The following ERC1 variants were observed in gnomAD, a reference collection of about 807,000 sequenced individuals.
The protein encoded by ERC1 is RAB6 interacting protein 2.
A neutral mutation model predicts 132.0 loss-of-function variants in ERC1; 56 were observed. The observed-to-expected ratio is 0.42, with a 90% CI of 0.34 to 0.53. The LOEUF is 0.53. Among genes scored for constraint, ERC1 ranks in the 20% least tolerant of loss-of-function variants. The pLI is 0.03. For synonymous variants in ERC1, 478 were observed against 476.1 expected (o/e 1.00, Z -0.05); for missense variants, 1,202 against 1,349.9 (o/e 0.89, Z 1.72).
intron 7 of ERC1, among the ~76,000 whole-genome samples, chr12:1,131,333 T>A (rs959980877): frequency 1.3e-5 from 2 of 152,234 alleles, no homozygotes; most frequent in Admixed American, 6.5e-5. Flanking sequence ...AGTGTCATGT[T>A]GGCAAAGCCA....
At chr12:1,462,850 C>T (rs1033754620) in intron 18 of ERC1, among the ~76,000 whole-genome samples, 7 of 152,154 alleles carry the variant, frequency 4.6e-5, no homozygotes, top group Non-Finnish European at 1.0e-4. Context: ...CTCCAGTCTC[C>T]TTTTGAACTG....
intron 12 of ERC1, among the ~76,000 whole-genome samples, chr12:1,221,179 A>G (rs2154295328): frequency 6.6e-6 from 1 of 152,324 alleles, no homozygotes; most frequent in East Asian, 1.9e-4. Context: ...ATATTTTCGA[A>G]GATAGCACCT....
intron 15 of ERC1, among the ~76,000 whole-genome samples, chr12:1,313,887 G>A (rs2154351130): frequency 6.6e-6 from 1 of 152,232 alleles, no homozygotes; most frequent in East Asian, 1.9e-4. Context: ...GGGAGGCTGA[G>A]GCAGGAGAAT....
At chr12:997,894 C>T (rs373390174) in intron 1 of ERC1, among the ~76,000 whole-genome samples, 1 of 152,168 alleles carries the variant, frequency 6.6e-6, no homozygotes, top group African/African-American at 2.4e-5. Context: ...GTAGCAAGAA[C>T]ATTTCCCAAG....
chr12:1,211,112 A>G (rs1349157596), intron 12 of ERC1, among the ~76,000 whole-genome samples: 1 of 152,218 alleles, frequency 6.6e-6, no homozygotes, highest in Non-Finnish European at 1.5e-5. Context: ...CTGTTAGTGA[A>G]AAATAATCCC....
At chr12:1,093,883 G>T (rs1481393975) in intron 3 of ERC1, among the ~76,000 whole-genome samples, 1 of 131,676 alleles carries the variant, frequency 7.6e-6, no homozygotes, top group African/African-American at 2.8e-5. Context: ...ATGTTTATGT[G>T]TATTTATTTA....
At chr12:1,348,150 A>G (rs766000451) in intron 15 of ERC1, among the ~76,000 whole-genome samples, 32 of 152,194 alleles carry the variant, frequency 2.1e-4, no homozygotes, top group Admixed American at 6.5e-4. Flanking sequence ...AGGAACCACT[A>G]TGTGACCAGT....
intron 18 of ERC1, among the ~76,000 whole-genome samples, chr12:1,489,266 C>T (rs778825002): frequency 2.6e-5 from 4 of 152,170 alleles, no homozygotes; most frequent in Admixed American, 1.3e-4. Context: ...GTCTCCCAGA[C>T]GGACTCTAGT....
chr12:1,030,251 G>A (rs1480849183), intron 2 of ERC1, among the ~76,000 whole-genome samples: 1 of 152,034 alleles, frequency 6.6e-6, no homozygotes, highest in Admixed American at 6.6e-5. Flanking sequence ...TTTGGATTAG[G>A]TTAATAAAAA....
At chr12:1,393,376 A>G (rs967280579) in intron 16 of ERC1, among the ~76,000 whole-genome samples, 3 of 152,018 alleles carry the variant, frequency 2.0e-5, no homozygotes, top group Non-Finnish European at 2.9e-5. Context: ...CACAACAAAA[A>G]TTTTAAAAAT....
At chr12:1,139,033 G>A (rs917687728) in intron 7 of ERC1, among the ~76,000 whole-genome samples, 2 of 152,218 alleles carry the variant, frequency 1.3e-5, no homozygotes, top group Non-Finnish European at 2.9e-5. Flanking sequence ...CGATACCTGA[G>A]AACAGAAGTG....
chr12:1,157,849 C>G (rs1295142536), intron 8 of ERC1, among the ~76,000 whole-genome samples: 1 of 152,166 alleles, frequency 6.6e-6, no homozygotes, highest in African/African-American at 2.4e-5. Context: ...ATCTAAAAAA[C>G]CATCATGCAG....
rs916047238 is a variant in ERC1 at position 1,266,577 on chromosome 12, G to A, written c.2619+3412G>A. Among the ~76,000 whole-genome samples the A allele has an allele frequency of 3.3e-5, 5 of 151,274 alleles. No individual in the cohort carries two copies. The South Asian group carries it at 6.3e-4, about 19-fold the overall frequency. Reference sequence around the variant, plus strand: ...GTGCCACCACGCCCAGCTAATTTTTGTATTTTTAGTAGAGACGGGGTTTCA... The same window carrying A: ...GTGCCACCACGCCCAGCTAATTTTTATATTTTTAGTAGAGACGGGGTTTCA... On this transcript the variant is annotated intron_variant, in intron 14 of 18. Coordinates refer to ENST00000360905, the MANE Select transcript of ERC1 (RefSeq NM_178040.4).
intron 15 of ERC1, among the ~76,000 whole-genome samples, chr12:1,351,596 A>G (rs2085002035): frequency 6.6e-6 from 1 of 152,154 alleles, no homozygotes; most frequent in Non-Finnish European, 1.5e-5. Flanking sequence ...CCATCTGTAT[A>G]TATTCCTTGG....
chr12:1,208,956 G>GATT (rs1566252071), intron 12 of ERC1, among the ~76,000 whole-genome samples: 1 of 107,184 alleles, frequency 9.3e-6, no homozygotes, highest in Non-Finnish European at 1.8e-5. Flanking sequence ...ACGCCCAGCT[G>GATT]ATTTTTTTTT....
At chr12:1,484,283 G>GCC (rs1565530934) in intron 18 of ERC1, among the ~76,000 whole-genome samples, 4 of 149,944 alleles carry the variant, frequency 2.7e-5, no homozygotes, top group Admixed American at 2.6e-4. Flanking sequence ...CCAGCCTGGT[G>GCC]ACAGAGCGAG....
At chr12:1,039,046 C>T (rs567397269) in intron 2 of ERC1, among the ~76,000 whole-genome samples, 19 of 151,604 alleles carry the variant, frequency 1.3e-4, no homozygotes, top group African/African-American at 4.6e-4. Flanking sequence ...TCTTAAAAAA[C>T]AAAATTAGGG....
At chr12:1,471,331 C>T (rs1269516283) in intron 18 of ERC1, among the ~76,000 whole-genome samples, 4 of 152,022 alleles carry the variant, frequency 2.6e-5, no homozygotes, top group African/African-American at 7.3e-5. Flanking sequence ...CAGACTATCA[C>T]GTAGAAAAAA....
chr12:1,069,245 G>C (rs2107650), intron 2 of ERC1, among the ~76,000 whole-genome samples: 71,025 of 152,030 alleles, frequency 0.47, 20,169 homozygotes, highest in East Asian at 0.79. Context: ...TAGATATCAA[G>C]GTTCCTTAGA....
Sources: allele counts gnomAD v4.1 joint callset (sites outside exome capture counted in the v4.1 genomes callset), GRCh38; gene constraint gnomAD v4.1.1; transcripts MANE v1.5; gene names NCBI Gene and HGNC (gene_info 2026-07-23, HGNC 2026-07-21).